Variants in PREX1 observed in about 807,000 individuals in gnomAD.
The protein encoded by PREX1 is phosphatidylinositol 3,4,5-trisphosphate-dependent Rac exchanger 1 protein.
PREX1 carries 41 observed loss-of-function variants against 198.3 expected under a neutral mutation model. The ratio of observed to expected loss-of-function variants is 0.21; its 90% CI spans 0.16 to 0.27. The LOEUF is 0.27. Among genes scored for constraint, PREX1 ranks in the 10% least tolerant of loss-of-function variants. The probability of loss-of-function intolerance (pLI) is 1.00; values close to 1 mark genes in which losing one functional copy is unlikely to be tolerated. For synonymous variants in PREX1, 843 were observed against 887.2 expected (o/e 0.95, Z 0.89); for missense variants, 1,620 against 2,200.7 (o/e 0.74, Z 5.28).
intron 1 of PREX1, among the ~76,000 whole-genome samples, chr20:48,772,697 G>A (rs915019738): frequency 5.9e-5 from 9 of 152,190 alleles, no homozygotes; most frequent in African/African-American, 2.2e-4. Context: ...GGAGGAAGGG[G>A]CAGAGCAGGC....
chr20:48,812,837 G>C (rs1039480297), intron 1 of PREX1, among the ~76,000 whole-genome samples: 4 of 152,178 alleles, frequency 2.6e-5, no homozygotes, highest in African/African-American at 4.8e-5. Flanking sequence ...TGCTGATGGA[G>C]AGCATTTAGC....
At chr20:48,659,878 G>C (rs781582854) in intron 16 of PREX1, 41 bp downstream of exon 16, 3 of 1,612,222 alleles carry the variant, frequency 1.9e-6, no homozygotes, top group South Asian at 1.1e-5. Context: ...CCTGCAGGGG[G>C]CTCTGGCAAG....
At chr20:48,677,883 G>C (rs567405422) in intron 13 of PREX1, among the ~76,000 whole-genome samples, 1 of 151,856 alleles carries the variant, frequency 6.6e-6, no homozygotes, top group African/African-American at 2.4e-5. Context: ...CTACTCGGGA[G>C]GCTGATGCAG....
Position 48,676,068 on chromosome 20 carries a change from A to G in PREX1, c.1665+125T>C, listed in dbSNP as rs117645004. ...AAAAAAAAAAAGATCAAGATGGTAA[A>G]TTTTATGTTCTGTGCAGTTTGCCAC... On this transcript the variant is annotated intron_variant, in intron 14 of 39. Transcript: ENST00000371941. 281 of 1,005,390 alleles carry G rather than the reference A, an allele frequency of 2.8e-4. 4 individuals are homozygous for G. The East Asian group carries it at 5.9e-3, about 21-fold the overall frequency. The allele number at this position is 1,005,390 out of a possible 1,614,324, so 62.3% of individuals were successfully genotyped here.
At chr20:48,744,035 A>AT (rs2090096137) in intron 3 of PREX1, among the ~76,000 whole-genome samples, 5 of 150,178 alleles carry the variant, frequency 3.3e-5, no homozygotes, top group Non-Finnish European at 7.4e-5. Context: ...GATGATGATG[A>AT]GTTAACAGTG....
the PREX1 span, among the ~76,000 whole-genome samples, chr20:48,847,282 T>C: frequency 2.7e-5 from 4 of 149,748 alleles, no homozygotes; most frequent in Non-Finnish European, 5.9e-5. Flanking sequence ...GAATACTTCA[T>C]GGAGGAGGGG....
At chr20:48,830,394 G>A (rs1055122306), upstream of PREX1, among the ~76,000 whole-genome samples, 3 of 152,200 alleles carry the variant, frequency 2.0e-5, no homozygotes, top group Non-Finnish European at 4.4e-5. Flanking sequence ...TCCAGACATT[G>A]CCAGATATCC....
At chr20:48,863,469 C>G in the PREX1 span, among the ~76,000 whole-genome samples, 1 of 151,486 alleles carries the variant, frequency 6.6e-6, no homozygotes, top group Non-Finnish European at 1.5e-5. Flanking sequence ...CCACAAACCC[C>G]TGGCAACCAC....
chr20:48,649,853 C>A, intron 24 of PREX1, 143 bp downstream of exon 24: 2 of 1,024,752 alleles, frequency 2.0e-6, no homozygotes, highest in Non-Finnish European at 2.9e-6. Flanking sequence ...TCTAGAGATG[C>A]TGTCCCATAA....
At chr20:48,759,762 G>T (rs1018539229) in intron 1 of PREX1, among the ~76,000 whole-genome samples, 1 of 151,966 alleles carries the variant, frequency 6.6e-6, no homozygotes, top group African/African-American at 2.4e-5. Flanking sequence ...CACATAACAA[G>T]CACTTGAATG....
At chr20:48,682,980 G>A (rs989552773) in intron 10 of PREX1, among the ~76,000 whole-genome samples, 2 of 149,546 alleles carry the variant, frequency 1.3e-5, no homozygotes, top group Non-Finnish European at 3.0e-5. Flanking sequence ...GTAGCGGTGC[G>A]TGCTGGAGCA....
At chr20:48,881,725 T>A in the PREX1 span, among the ~76,000 whole-genome samples, 1 of 152,294 alleles carries the variant, frequency 6.6e-6, no homozygotes, top group East Asian at 1.9e-4. Flanking sequence ...GACTTTATGA[T>A]CTGCCCACCT....
intron 1 of PREX1, among the ~76,000 whole-genome samples, chr20:48,751,143 C>G (rs2090132327): frequency 6.6e-6 from 1 of 152,214 alleles, no homozygotes; most frequent in Non-Finnish European, 1.5e-5. Flanking sequence ...CTGACCCATG[C>G]CGGAGACCTC....
At chr20:48,746,795 G>A (rs960401745) in intron 2 of PREX1, among the ~76,000 whole-genome samples, 15 of 151,818 alleles carry the variant, frequency 9.9e-5, no homozygotes, top group South Asian at 4.2e-4. Context: ...GTAATAAGTC[G>A]CAGCTTAAAA....
At chr20:48,638,651 GACTCACCACGCCAGGCAGCCAGGCCAGA>G (rs1404622148) in intron 30 of PREX1, among the ~76,000 whole-genome samples, 3 of 151,804 alleles carry the variant, frequency 2.0e-5, no homozygotes, top group Non-Finnish European at 2.9e-5. Context: ...ACCACGGCAG[GACTCACCACGCCAGGCAGCCAGGCCAGA>G]ACTCACCACA....
At chr20:48,663,232 G>C (rs1324225444) in intron 15 of PREX1, among the ~76,000 whole-genome samples, 1 of 152,214 alleles carries the variant, frequency 6.6e-6, no homozygotes, top group Non-Finnish European at 1.5e-5. Flanking sequence ...AGGCATATGG[G>C]CCTATTGGGA....
intron 1 of PREX1, among the ~76,000 whole-genome samples, chr20:48,776,837 T>C (rs1423774345): frequency 6.6e-6 from 1 of 152,160 alleles, no homozygotes; most frequent in Non-Finnish European, 1.5e-5. Flanking sequence ...GTATTTCTCC[T>C]AAGAGTCAGT....
intron 1 of PREX1, among the ~76,000 whole-genome samples, chr20:48,774,947 G>A (rs75240985): frequency 0.012 from 1,837 of 152,336 alleles, 95 homozygotes; most frequent in East Asian, 0.1. Context: ...GCTCTGCAGG[G>A]TGGCAGGGGC....
intron 1 of PREX1, among the ~76,000 whole-genome samples, chr20:48,813,008 G>A (rs371119476): frequency 2.6e-5 from 4 of 152,212 alleles, no homozygotes; most frequent in Non-Finnish European, 5.9e-5. Flanking sequence ...TAAAATGAGC[G>A]CAGTAACTGC....
Sources: gnomAD v4.1 joint callset for allele counts (sites outside exome capture counted in the v4.1 genomes callset) on GRCh38, gnomAD v4.1.1 for gene constraint, MANE v1.5 for transcripts, NCBI Gene and HGNC (gene_info 2026-07-23, HGNC 2026-07-21) for gene names.